BACH2: variants seen among roughly 807,000 people sequenced by gnomAD.
BACH2 encodes BACH transcriptional regulator 2.
BACH2 carries 5 observed loss-of-function variants against 61.8 expected under a neutral mutation model. That is an observed-to-expected ratio of 0.08 (90% CI 0.04 to 0.17). BACH2 has a LOEUF of 0.17. BACH2 is among the 10% of genes least tolerant of loss of function. BACH2 has a pLI of 1.00. For missense variants in BACH2, 824 were observed against 1,091.1 expected, an observed-to-expected ratio of 0.76 and a Z score of 3.45; for synonymous variants, 446 against 440.1, an observed-to-expected ratio of 1.01 and a Z score of -0.17.
chr6:90,247,120 A>C (rs1294359426), intron 3 of BACH2, among the ~76,000 whole-genome samples: 1 of 152,178 alleles, frequency 6.6e-6, no homozygotes, highest in African/African-American at 2.4e-5. Flanking sequence ...ACTAACTACC[A>C]CTATAACGAG....
At chr6:90,054,324 G>T (rs1054824498) in intron 5 of BACH2, among the ~76,000 whole-genome samples, 1 of 152,196 alleles carries the variant, frequency 6.6e-6, no homozygotes, top group Non-Finnish European at 1.5e-5. Context: ...ATTATATCCC[G>T]CACGTGGCTC....
intron 3 of BACH2, among the ~76,000 whole-genome samples, chr6:90,250,503 T>C (rs930985255): frequency 6.6e-6 from 1 of 152,188 alleles, no homozygotes; most frequent in African/African-American, 2.4e-5. Flanking sequence ...CATTCATTCA[T>C]TCATTCATTC....
chr6:90,252,919 T>A (rs770598052), intron 2 of BACH2, among the ~76,000 whole-genome samples: 1 of 152,200 alleles, frequency 6.6e-6, no homozygotes, highest in Non-Finnish European at 1.5e-5. Flanking sequence ...CAAGGCCAGA[T>A]AAGCCACAGT....
At chr6:90,281,373 A>G (rs1281031395) in intron 1 of BACH2, among the ~76,000 whole-genome samples, 2 of 152,248 alleles carry the variant, frequency 1.3e-5, no homozygotes, top group Non-Finnish European at 2.9e-5. Context: ...AATAGGTCAC[A>G]CATATATAAA....
At chr6:90,128,911 G>C (rs1029860887) in intron 4 of BACH2, among the ~76,000 whole-genome samples, 1 of 151,994 alleles carries the variant, frequency 6.6e-6, no homozygotes, top group Non-Finnish European at 1.5e-5. Context: ...TGTCCTTTGT[G>C]GGGACATGAA....
chr6:90,202,387 C>T (rs1347466541), intron 4 of BACH2, among the ~76,000 whole-genome samples: 1 of 152,078 alleles, frequency 6.6e-6, no homozygotes, highest in Non-Finnish European at 1.5e-5. Flanking sequence ...TGCCTCAGAC[C>T]TGGGACAGTA....
chr6:90,052,893 G>C (rs538394930), intron 5 of BACH2, among the ~76,000 whole-genome samples: 1 of 152,034 alleles, frequency 6.6e-6, no homozygotes, highest in Non-Finnish European at 1.5e-5. Flanking sequence ...AGAAAGTTTA[G>C]GCAATTTACA....
intron 5 of BACH2, among the ~76,000 whole-genome samples, chr6:90,030,116 G>C (rs139535817): frequency 6.6e-6 from 1 of 152,178 alleles, no homozygotes; most frequent in African/African-American, 2.4e-5. Context: ...TTCTCTCCTG[G>C]TAAAAGCTTG....
intron 4 of BACH2, among the ~76,000 whole-genome samples, chr6:90,174,237 G>A (rs1341669128): frequency 6.6e-6 from 1 of 151,794 alleles, no homozygotes; most frequent in Non-Finnish European, 1.5e-5. Context: ...GTCTAAATTT[G>A]GGTTATTCCA....
Position 90,296,793 on chromosome 6 carries a change from C to CGCTGCTGCT in BACH2, c.-768_-760dup, listed in dbSNP as rs556781951. On this transcript the variant is annotated 5_prime_UTR_variant, in exon 1 of 9. Coordinates refer to ENST00000257749, the MANE Select transcript of BACH2 (RefSeq NM_021813.4). ...CCCGGGCGTGCACGGCCGCTGCTGC[C>CGCTGCTGCT]GCTGCTGCTGCTGCTGCTGCTGCTG... 109 of 173,952 alleles carry CGCTGCTGCT rather than the reference C, an allele frequency of 6.3e-4. 4 individuals are homozygous for CGCTGCTGCT. Among genetic ancestry groups the CGCTGCTGCT allele is most frequent in the South Asian group, 2.2e-3 (15 of 6,752 alleles). The allele number at this position is 173,952 out of a possible 1,614,324, so 10.8% of individuals were successfully genotyped here. A position where few individuals can be genotyped will look rare whatever the true frequency, so the allele number is the denominator to read the frequency against.
intron 4 of BACH2, among the ~76,000 whole-genome samples, chr6:90,195,099 T>C (rs1191600754): frequency 6.6e-6 from 1 of 152,190 alleles, no homozygotes; most frequent in Non-Finnish European, 1.5e-5. Flanking sequence ...TGATTTTCCT[T>C]GGATATGACA....
chr6:90,220,746 A>G (rs1252605638), intron 3 of BACH2, among the ~76,000 whole-genome samples: 1 of 152,260 alleles, frequency 6.6e-6, no homozygotes, highest in Non-Finnish European at 1.5e-5. Context: ...ACCATAATAC[A>G]AACTTTAAAT....
intron 4 of BACH2, among the ~76,000 whole-genome samples, chr6:90,130,632 T>G (rs1784046221): frequency 6.6e-6 from 1 of 152,238 alleles, no homozygotes; most frequent in Admixed American, 6.5e-5. Context: ...TGGACTTCTA[T>G]CTACCTCCAG....
intron 5 of BACH2, among the ~76,000 whole-genome samples, chr6:90,058,547 C>T (rs1035534645): frequency 6.6e-6 from 1 of 152,030 alleles, no homozygotes. Flanking sequence ...GGCCATACTG[C>T]CCAAGGTAAT....
chr6:90,093,402 C>G (rs192926799), intron 4 of BACH2, among the ~76,000 whole-genome samples: 1 of 152,120 alleles, frequency 6.6e-6, no homozygotes, highest in South Asian at 2.1e-4. Flanking sequence ...TAGGCCTCTA[C>G]TAATGCTATT....
intron 4 of BACH2, among the ~76,000 whole-genome samples, chr6:90,168,070 T>G (rs1767690033): frequency 6.6e-6 from 1 of 152,140 alleles, no homozygotes; most frequent in Non-Finnish European, 1.5e-5. Flanking sequence ...ATTATAAAAG[T>G]AAAGTAGGCC....
At chr6:90,254,950 C>T (rs1331095782) in intron 2 of BACH2, among the ~76,000 whole-genome samples, 3 of 152,142 alleles carry the variant, frequency 2.0e-5, no homozygotes, top group Non-Finnish European at 4.4e-5. Flanking sequence ...CATTAACGCT[C>T]CAAAATAAGT....
intron 5 of BACH2, among the ~76,000 whole-genome samples, chr6:90,073,229 A>G (rs927270752): frequency 6.6e-6 from 1 of 152,198 alleles, no homozygotes; most frequent in Non-Finnish European, 1.5e-5. Flanking sequence ...ACTACTGTCT[A>G]TTTTTGTTGT....
chr6:90,228,709 A>G (rs575478607), intron 3 of BACH2, among the ~76,000 whole-genome samples: 1 of 152,364 alleles, frequency 6.6e-6, no homozygotes, highest in South Asian at 2.1e-4. Context: ...ACTGCACTCC[A>G]GCCTGGGTGA....
Sources: gnomAD v4.1 joint callset for allele counts (sites outside exome capture counted in the v4.1 genomes callset) on GRCh38, gnomAD v4.1.1 for gene constraint, MANE v1.5 for transcripts, NCBI Gene and HGNC (gene_info 2026-07-23, HGNC 2026-07-21) for gene names.